ZNF385D: variants seen among roughly 807,000 people sequenced by gnomAD.
ZNF385D encodes zinc finger protein 385D.
ZNF385D carries 15 observed loss-of-function variants against 35.8 expected under a neutral mutation model. That is an observed-to-expected ratio of 0.42 (90% CI 0.28 to 0.64). The LOEUF is 0.64. ZNF385D is among the 30% of genes least tolerant of loss of function. ZNF385D has a pLI of 0.23. For synonymous variants in ZNF385D, 212 were observed against 186.8 expected (o/e 1.13, Z -1.10); for missense variants, 474 against 494.6 (o/e 0.96, Z 0.39).
At chr3:21,427,976 T>C (rs1701097656) in intron 5 of ZNF385D, among the ~76,000 whole-genome samples, 1 of 152,120 alleles carries the variant, frequency 6.6e-6, no homozygotes, top group South Asian at 2.1e-4. Flanking sequence ...CTAGGGTTAC[T>C]ATTCACCATT....
At chr3:21,963,853 C>A (rs144795553) in intron 3 of ZNF385D, among the ~76,000 whole-genome samples, 1 of 152,076 alleles carries the variant, frequency 6.6e-6, no homozygotes, top group East Asian at 1.9e-4. Flanking sequence ...GGTGATGACA[C>A]TGATCAAAAT....
At chr3:21,560,923 TC>T (rs1466268663) in intron 3 of ZNF385D, among the ~76,000 whole-genome samples, 1 of 152,162 alleles carries the variant, frequency 6.6e-6, no homozygotes, top group African/African-American at 2.4e-5. Context: ...AGTTCGATCT[TC>T]CTGGTGGCTT....
At chr3:21,691,172 TG>T (rs1168755065) in intron 1 of ZNF385D, among the ~76,000 whole-genome samples, 8 of 152,174 alleles carry the variant, frequency 5.3e-5, no homozygotes, top group Admixed American at 5.2e-4. Context: ...GTCTTGCCAA[TG>T]CCATACCGTA....
intron 3 of ZNF385D, among the ~76,000 whole-genome samples, chr3:21,949,542 TTTTC>T (rs796682056): frequency 5.0e-5 from 4 of 80,610 alleles, no homozygotes; most frequent in African/African-American, 1.7e-4. Context: ...TCTTTCCTTC[TTTTC>T]TTTCTTTCTT....
rs528939349 is a variant in ZNF385D at position 21,705,785 on chromosome 3, T to G, written c.23-40757A>C. On this transcript the variant is annotated intron_variant, in intron 1 of 7. Coordinates refer to ENST00000281523, the MANE Select transcript of ZNF385D (RefSeq NM_024697.3). Reference sequence around the variant, plus strand: ...TGCCTCTCCTTTGGTTCAGACTGTTTGCATTCGAGGTGGATTTTGCTGTTC... The same window carrying G: ...TGCCTCTCCTTTGGTTCAGACTGTTGGCATTCGAGGTGGATTTTGCTGTTC... Among the ~76,000 whole-genome samples, 304 of 152,286 alleles carry G rather than the reference T, an allele frequency of 2.0e-3. 1 individual carries two copies. The highest frequency in any genetic ancestry group is 3.1e-3 in the Non-Finnish European group (212 of 68,014).
intron 2 of ZNF385D, among the ~76,000 whole-genome samples, chr3:22,345,667 T>G (rs973091241): frequency 2.0e-5 from 3 of 152,120 alleles, no homozygotes; most frequent in East Asian, 1.9e-4. Flanking sequence ...GTGTAATGAG[T>G]GCTGAGCTGT....
intron 2 of ZNF385D, among the ~76,000 whole-genome samples, chr3:22,262,414 C>A (rs1174952324): frequency 6.6e-6 from 1 of 151,606 alleles, no homozygotes; most frequent in Non-Finnish European, 1.5e-5. Flanking sequence ...CATGGTAAAC[C>A]CAATCATTGA....
At chr3:22,141,866 T>A (rs993245365) in intron 3 of ZNF385D, among the ~76,000 whole-genome samples, 2 of 152,214 alleles carry the variant, frequency 1.3e-5, no homozygotes, top group African/African-American at 4.8e-5. Context: ...TTAGCAAAGT[T>A]CAGTGATCTT....
intron 2 of ZNF385D, among the ~76,000 whole-genome samples, chr3:21,592,436 G>A (rs745860680): frequency 6.6e-6 from 1 of 151,328 alleles, no homozygotes; most frequent in Admixed American, 6.6e-5. Flanking sequence ...GCTACAGATG[G>A]CAATATATTG....
rs533178364 is a variant in ZNF385D, at chr3:22,133,696, A to C, written c.325+35121T>G. 13 of 152,206 alleles carry C rather than the reference A, an allele frequency of 8.5e-5. No homozygotes were observed. The South Asian group carries it at 2.7e-3, about 32-fold the overall frequency. 9.4% of individuals were successfully genotyped at this position (152,206 alleles called of 1,614,324 possible). A position where few individuals can be genotyped will look rare whatever the true frequency, so the allele number is the denominator to read the frequency against. On this transcript the variant is annotated intron_variant, in intron 3 of 5. Coordinates refer to the ZNF385D transcript ENST00000494108. ...CAAAATATATCAAGCAACTATCAGA[A>C]GACTCTGAAAAATTCAGAAAAGAAG...
chr3:22,296,267 C>A (rs1039894178), intron 2 of ZNF385D, among the ~76,000 whole-genome samples: 1 of 152,144 alleles, frequency 6.6e-6, no homozygotes, highest in Non-Finnish European at 1.5e-5. Flanking sequence ...CAGGGCTTGG[C>A]AGAGACAGCT....
chr3:22,022,739 T>G (rs1168659141), intron 3 of ZNF385D, among the ~76,000 whole-genome samples: 1 of 152,008 alleles, frequency 6.6e-6, no homozygotes, highest in Non-Finnish European at 1.5e-5. Flanking sequence ...AGACCAGAAA[T>G]TGAGATGGAA....
intron 3 of ZNF385D, among the ~76,000 whole-genome samples, chr3:22,058,158 C>G (rs779157): frequency 0.61 from 92,076 of 152,030 alleles, 27,966 homozygotes; most frequent in East Asian, 0.76. Flanking sequence ...GTATTGGTAA[C>G]TCATAAGTTG....
intron 3 of ZNF385D, among the ~76,000 whole-genome samples, chr3:21,961,042 A>G (rs7433115): frequency 0.68 from 104,011 of 151,920 alleles, 36,768 homozygotes; most frequent in Non-Finnish European, 0.77. Flanking sequence ...TTTATTGTAC[A>G]TTTTGAAACA....
intron 4 of ZNF385D, among the ~76,000 whole-genome samples, chr3:21,483,277 A>G (rs1704771863): frequency 6.6e-6 from 1 of 152,146 alleles, no homozygotes; most frequent in Non-Finnish European, 1.5e-5. Flanking sequence ...CACTCACCAT[A>G]ATGTCCTTGA....
At chr3:21,722,571 G>A (rs915738629) in intron 1 of ZNF385D, among the ~76,000 whole-genome samples, 4 of 152,206 alleles carry the variant, frequency 2.6e-5, no homozygotes, top group Admixed American at 6.5e-5. Context: ...AGGCGTGGGC[G>A]CCACAGTGCC....
chr3:21,960,378 A>G (rs886122180), intron 3 of ZNF385D, among the ~76,000 whole-genome samples: 17 of 152,174 alleles, frequency 1.1e-4, no homozygotes, highest in Admixed American at 9.8e-4. Flanking sequence ...AATCAAAACT[A>G]TAATGAAATA....
At chr3:22,206,666 T>G (rs1697177147) in intron 2 of ZNF385D, among the ~76,000 whole-genome samples, 1 of 151,712 alleles carries the variant, frequency 6.6e-6, no homozygotes, top group Admixed American at 6.6e-5. Context: ...AACAATATGC[T>G]CTGAGTGACA....
chr3:21,614,080 G>A (rs1463684619), intron 2 of ZNF385D, among the ~76,000 whole-genome samples: 1 of 152,172 alleles, frequency 6.6e-6, no homozygotes, highest in East Asian at 1.9e-4. Flanking sequence ...CAATGTTGTT[G>A]TATTAGTTTT....
Sources: gnomAD v4.1 joint callset for allele counts (sites outside exome capture counted in the v4.1 genomes callset) on GRCh38, gnomAD v4.1.1 for gene constraint, MANE v1.5 for transcripts, NCBI Gene and HGNC (gene_info 2026-07-23, HGNC 2026-07-21) for gene names.